SETBP1: variants seen among roughly 807,000 people sequenced by gnomAD.
SETBP1 encodes SET-binding protein.
Under a neutral mutation model 101.0 loss-of-function variants are expected in SETBP1, and 9 were observed. The observed-to-expected ratio is 0.09, with a 90% CI of 0.05 to 0.16. The LOEUF (loss-of-function observed/expected upper bound fraction) is 0.16, where lower values mean the gene tolerates loss of function less well. SETBP1 is among the 10% of genes least tolerant of loss of function. The probability of loss-of-function intolerance (pLI) is 1.00; values close to 1 mark genes in which losing one functional copy is unlikely to be tolerated. For missense variants in SETBP1, 1,858 were observed against 2,033.8 expected, an observed-to-expected ratio of 0.91 and a Z score of 1.66; for synonymous variants, 818 against 788.5, an observed-to-expected ratio of 1.04 and a Z score of -0.63.
intron 3 of SETBP1, among the ~76,000 whole-genome samples, chr18:44,922,937 C>T (rs904013657): frequency 6.6e-6 from 1 of 152,148 alleles, no homozygotes; most frequent in Non-Finnish European, 1.5e-5. Flanking sequence ...GTGTCAGGGA[C>T]CACTCTGGGA....
At chr18:44,728,402 C>T (rs962114668) in intron 2 of SETBP1, among the ~76,000 whole-genome samples, 6 of 152,136 alleles carry the variant, frequency 3.9e-5, no homozygotes, top group Admixed American at 6.6e-5. Context: ...GGGAAAAAGT[C>T]ACTGTTTTGT....
intron 4 of SETBP1, among the ~76,000 whole-genome samples, chr18:44,989,962 A>G (rs1027413534): frequency 6.6e-6 from 1 of 151,210 alleles, no homozygotes; most frequent in Non-Finnish European, 1.5e-5. Context: ...AAAGATAGAT[A>G]ACCATCAAAA....
intron 4 of SETBP1, among the ~76,000 whole-genome samples, chr18:45,028,029 A>G (rs1178972362): frequency 4.0e-5 from 6 of 151,862 alleles, no homozygotes; most frequent in African/African-American, 1.5e-4. Flanking sequence ...TTATTATTAT[A>G]CTTTAAGTTT....
chr18:44,844,923 G>T (rs966048121), intron 2 of SETBP1, among the ~76,000 whole-genome samples: 1 of 152,222 alleles, frequency 6.6e-6, no homozygotes, highest in African/African-American at 2.4e-5. Context: ...TTCAAACACG[G>T]TGTGCTATTC....
chr18:44,871,879 G>A (rs2069284373), intron 3 of SETBP1: 1 of 152,180 alleles, frequency 6.6e-6, no homozygotes, highest in Non-Finnish European at 1.5e-5. Flanking sequence ...CGGGCCACAG[G>A]GTAGAGCTTC....
At chr18:44,815,626 T>G (rs1168164650) in intron 2 of SETBP1, among the ~76,000 whole-genome samples, 2 of 152,302 alleles carry the variant, frequency 1.3e-5, no homozygotes, top group African/African-American at 4.8e-5. Flanking sequence ...TTCTGTCCCT[T>G]GGAGGATGCA....
At chr18:44,718,732 GCTGT>G (rs2069520384) in intron 2 of SETBP1, among the ~76,000 whole-genome samples, 1 of 152,142 alleles carries the variant, frequency 6.6e-6, no homozygotes. Flanking sequence ...CAGACAGAAA[GCTGT>G]CTGTAGTTCT....
At chr18:44,965,783 T>C (rs1294438235) in intron 4 of SETBP1, among the ~76,000 whole-genome samples, 1 of 152,208 alleles carries the variant, frequency 6.6e-6, no homozygotes, top group Non-Finnish European at 1.5e-5. Context: ...GCAGTATCTG[T>C]CTTATAGAGG....
chr18:45,033,367 A>G (rs1223692945), intron 4 of SETBP1, among the ~76,000 whole-genome samples: 1 of 152,160 alleles, frequency 6.6e-6, no homozygotes, highest in African/African-American at 2.4e-5. Context: ...CTGTGCCTTT[A>G]TTTCCTTGTT....
At chr18:44,779,671 C>T (rs1299939231) in intron 2 of SETBP1, among the ~76,000 whole-genome samples, 1 of 152,082 alleles carries the variant, frequency 6.6e-6, no homozygotes, top group Non-Finnish European at 1.5e-5. Context: ...CTGTCGAAGA[C>T]TTTGTGCAAA....
chr18:44,717,878 G>A (rs1204378694), intron 2 of SETBP1, among the ~76,000 whole-genome samples: 1 of 152,084 alleles, frequency 6.6e-6, no homozygotes, highest in Non-Finnish European at 1.5e-5. Flanking sequence ...TAAGGACATA[G>A]AATTTTTCTA....
Position 45,011,258 on chromosome 18 carries a change from A to G in SETBP1, c.4001-27227A>G, listed in dbSNP as rs1030926879. On this transcript the variant is annotated intron_variant, in intron 4 of 5. Transcript: ENST00000649279. ...GTTGTGTCACTAACATGCACCACCT[A>G]TCAGACCTGAGATGGGCCCCCCGAT... 4.6e-5 allele frequency among the ~76,000 whole-genome samples: 7 copies of G among 152,182 alleles called. 1 individual carries two copies. In the South Asian group the frequency reaches 6.2e-4, roughly 14 times the overall value.
Position 44,951,717 on chromosome 18 carries a change from G to T in SETBP1, c.2377G>T (p.Ala793Ser), listed in dbSNP as rs1480765125. ...TGGGTCCAATGGCAACCTGAGCCCT[G>T]CCAGCACTGAAACCAATTTTTCAGA... Reference protein sequence around the residue: ...LGGSNGNLSPASTETNFSELK... With the variant: ...LGGSNGNLSPSSTETNFSELK... The change falls in exon 4 of 6, where the codon GCC (alanine) becomes TCC (serine). Residue 793 changes from alanine to serine, a missense_variant. By Grantham distance (99) the Ala-to-Ser change is moderately conservative. This residue lies in a region of SETBP1 where 121 missense variants were observed against 138.0 expected (regional missense o/e 0.88). Transcript: ENST00000649279. The surrounding 1 kb of genome is among the most constrained non-coding windows in gnomAD (Gnocchi z 7.8). 1.9e-6 allele frequency: 3 copies of T among 1,613,996 alleles called. No individual in the cohort carries two copies. Among genetic ancestry groups the T allele is most frequent in the Non-Finnish European group, 2.5e-6 (3 of 1,180,034 alleles).
chr18:44,884,550 C>G (rs2069598358), intron 3 of SETBP1, among the ~76,000 whole-genome samples: 1 of 152,062 alleles, frequency 6.6e-6, no homozygotes, highest in African/African-American at 2.4e-5. Context: ...AGTTTTGGGT[C>G]CAGAACTTTT....
intron 2 of SETBP1, among the ~76,000 whole-genome samples, chr18:44,826,827 C>G (rs2072250228): frequency 6.6e-6 from 1 of 152,152 alleles, no homozygotes; most frequent in African/African-American, 2.4e-5. Context: ...CCCCTGCAGA[C>G]CAGACCAGCC....
At position 44,978,706 on chromosome 18, in the gene SETBP1, T is replaced by C. The variant is rs116154107; in HGVS notation, c.4000+25366T>C. Among the ~76,000 whole-genome samples the C allele has an allele frequency of 2.2e-3, 335 of 152,286 alleles. 1 individual carries two copies. Among genetic ancestry groups the C allele is most frequent in the African/African-American group, 7.7e-3 (322 of 41,552 alleles). On this transcript the variant is annotated intron_variant, in intron 4 of 5. Transcript: ENST00000649279. ...AGCAACACCAACCATAGTGAGTCTT[T>C]TATAGATGGACATAGAGATGTATGT...
intron 1 of SETBP1, among the ~76,000 whole-genome samples, chr18:44,684,283 A>C (rs1281883602): frequency 6.6e-6 from 1 of 152,230 alleles, no homozygotes; most frequent in Non-Finnish European, 1.5e-5. Context: ...GAAGTTGCAC[A>C]TACTTTGGCC....
chr18:45,005,822 AT>A (rs551378816), intron 4 of SETBP1, among the ~76,000 whole-genome samples: 137 of 147,330 alleles, frequency 9.3e-4, no homozygotes, highest in Non-Finnish European at 1.7e-3. Flanking sequence ...AATTTTTTGT[AT>A]TTTTAGTAGA....
intron 4 of SETBP1, among the ~76,000 whole-genome samples, chr18:44,968,153 T>C (rs990373752): frequency 6.6e-6 from 1 of 152,110 alleles, no homozygotes; most frequent in African/African-American, 2.4e-5. Flanking sequence ...ATTGGTTGGA[T>C]TTAGGTACAC....
Sources: allele counts gnomAD v4.1 joint callset (sites outside exome capture counted in the v4.1 genomes callset), GRCh38; gene constraint gnomAD v4.1.1; regional missense constraint gnomAD v4.1.1; non-coding constraint Gnocchi (gnomAD v3.1); transcripts MANE v1.5; gene names NCBI Gene and HGNC (gene_info 2026-07-23, HGNC 2026-07-21).